NHS: variants seen among roughly 807,000 people sequenced by gnomAD.
NHS encodes the protein NHS actin remodeling regulator.
Under a neutral mutation model 72.5 loss-of-function variants are expected in NHS, and 5 were observed. The observed-to-expected ratio is 0.07, with a 90% CI of 0.04 to 0.14. NHS has a LOEUF of 0.14. NHS is among the 10% of genes least tolerant of loss of function. NHS has a pLI of 1.00. For synonymous variants in NHS, 464 were observed against 547.7 expected (o/e 0.85, Z 2.13); for missense variants, 1,072 against 1,355.7 (o/e 0.79, Z 3.29).
intron 1 of NHS, among the ~76,000 whole-genome samples, chrX:17,456,077 G>T (rs779950420): frequency 9.5e-4 from 106 of 112,061 alleles, no homozygotes; most frequent in African/African-American, 3.2e-3. Flanking sequence ...CCAGATACCA[G>T]AAGAGACGCT....
intron 1 of NHS, among the ~76,000 whole-genome samples, chrX:17,475,439 G>A (rs1300536921): frequency 8.9e-6 from 1 of 112,445 alleles, no homozygotes; most frequent in East Asian, 2.8e-4. Flanking sequence ...TAAGAGCTTG[G>A]TAGCCATTCA....
chrX:17,591,364 C>T (rs1338089804), intron 1 of NHS, among the ~76,000 whole-genome samples: 5 of 111,549 alleles, frequency 4.5e-5, no homozygotes, highest in Non-Finnish European at 9.4e-5. Context: ...AGGGTGTCAA[C>T]GCAGCAATTT....
intron 3 of NHS, among the ~76,000 whole-genome samples, chrX:17,712,265 A>G (rs868483713): frequency 0.058 from 4,261 of 74,021 alleles, 420 homozygotes; most frequent in African/African-American, 0.2. Flanking sequence ...ATATATATAT[A>G]TATATATATA....
chrX:17,535,111 C>G (rs2065216920), intron 1 of NHS, among the ~76,000 whole-genome samples: 1 of 112,041 alleles, frequency 8.9e-6, no homozygotes, highest in South Asian at 3.7e-4. Context: ...ACCTTTATAG[C>G]TTCCTTCCCT....
chrX:17,601,418 T>C (rs1263961031), intron 1 of NHS, among the ~76,000 whole-genome samples: 1 of 111,683 alleles, frequency 9.0e-6, no homozygotes, highest in Non-Finnish European at 1.9e-5. Context: ...AAAAAGAACA[T>C]TATTTTGTTC....
intron 1 of NHS, among the ~76,000 whole-genome samples, chrX:17,539,156 C>T (rs1292390599): frequency 8.9e-6 from 1 of 111,761 alleles, no homozygotes; most frequent in Non-Finnish European, 1.9e-5. Flanking sequence ...AGGCCTTTGC[C>T]CTTGCTGTTC....
intron 1 of NHS, among the ~76,000 whole-genome samples, chrX:17,459,996 G>A (rs2064840641): frequency 8.9e-6 from 1 of 111,949 alleles, no homozygotes. Context: ...GACACATATG[G>A]CTGGGTTTAG....
intron 1 of NHS, among the ~76,000 whole-genome samples, chrX:17,564,969 A>ATTTTTTTTTTTTTTTTTTTTTTTT (rs201932159): frequency 1.0e-5 from 1 of 99,944 alleles, no homozygotes; most frequent in African/African-American, 4.6e-5. Flanking sequence ...GTACAGCCAC[A>ATTTTTTTTTTTTTTTTTTTTTTTT]TTTTTTTTTA....
intron 1 of NHS, among the ~76,000 whole-genome samples, chrX:17,393,825 C>T (rs1261199122): frequency 9.0e-6 from 1 of 111,503 alleles, no homozygotes; most frequent in Admixed American, 9.5e-5. Context: ...GCTGTCAGAG[C>T]CTTGGATGTC....
At chrX:17,550,537 C>T (rs1256442007) in intron 1 of NHS, among the ~76,000 whole-genome samples, 2 of 111,773 alleles carry the variant, frequency 1.8e-5, no homozygotes, top group Admixed American at 9.5e-5. Context: ...GCAGGTCTGG[C>T]CTGGAGTCAC....
chrX:17,661,883 G>A (rs111658113), intron 1 of NHS, among the ~76,000 whole-genome samples: 9,657 of 111,416 alleles, frequency 0.087, 999 homozygotes, highest in African/African-American at 0.3. Context: ...TGGTCAATAC[G>A]GTAGTATAAA....
At chrX:17,508,896 G>A (rs1174704128) in intron 1 of NHS, among the ~76,000 whole-genome samples, 1 of 111,792 alleles carries the variant, frequency 8.9e-6, no homozygotes, top group Non-Finnish European at 1.9e-5. Flanking sequence ...ATTTCTTTTG[G>A]GCATATACAA....
chrX:17,574,907 A>G (rs2065501630), intron 1 of NHS, among the ~76,000 whole-genome samples: 1 of 112,207 alleles, frequency 8.9e-6, no homozygotes, highest in South Asian at 3.7e-4. Context: ...AGATGGGGAA[A>G]CTGAGGCACA....
At chrX:17,526,674 G>T (rs778160074) in intron 1 of NHS, among the ~76,000 whole-genome samples, 6 of 112,022 alleles carry the variant, frequency 5.4e-5, no homozygotes, top group African/African-American at 1.3e-4. Flanking sequence ...CAACTAATAC[G>T]TGACTGGCTA....
rs773070097 is a variant in NHS, at chrX:17,504,141, C to T, written c.565+127819C>T. On this transcript the variant is annotated intron_variant, in intron 1 of 8. Coordinates refer to ENST00000676302, the MANE Select transcript of NHS (RefSeq NM_001291867.2). Reference sequence around the variant, plus strand: ...CTTACCAGGAAATCTACTCTTTGAGCAGCATTTTATTAGCATCCCCTACAA... The same window carrying T: ...CTTACCAGGAAATCTACTCTTTGAGTAGCATTTTATTAGCATCCCCTACAA... Among the ~76,000 whole-genome samples the T allele has an allele frequency of 1.2e-4, 13 of 112,193 alleles. 1 individual carries two copies. The highest frequency in any genetic ancestry group is 1.5e-4 in the Non-Finnish European group (8 of 53,202).
chrX:17,599,765 A>G (rs2065640554), intron 1 of NHS, among the ~76,000 whole-genome samples: 1 of 111,238 alleles, frequency 9.0e-6, no homozygotes, highest in Non-Finnish European at 1.9e-5. Flanking sequence ...TGGGTTGATG[A>G]CTCTAGTACC....
chrX:17,501,387 A>G (rs926115529), intron 1 of NHS, among the ~76,000 whole-genome samples: 2 of 108,550 alleles, frequency 1.8e-5, no homozygotes, highest in Non-Finnish European at 3.8e-5. Flanking sequence ...TAGGATATTT[A>G]GAAGGACTTA....
intron 1 of NHS, among the ~76,000 whole-genome samples, chrX:17,496,141 G>A (rs1224380320): frequency 9.0e-6 from 1 of 111,619 alleles, no homozygotes; most frequent in African/African-American, 3.3e-5. Context: ...GCCCAGCCCA[G>A]CCCAGCTAGA....
At chrX:17,668,349 T>A (rs1287443404) in intron 1 of NHS, among the ~76,000 whole-genome samples, 1 of 111,630 alleles carries the variant, frequency 9.0e-6, no homozygotes, top group African/African-American at 3.3e-5. Context: ...AAATGAGCCA[T>A]CAGAGAAATG....
Sources: allele counts gnomAD v4.1 joint callset (sites outside exome capture counted in the v4.1 genomes callset), GRCh38; gene constraint gnomAD v4.1.1; transcripts MANE v1.5; gene names NCBI Gene and HGNC (gene_info 2026-07-23, HGNC 2026-07-21).